ATP13A3: variants seen among roughly 807,000 people sequenced by gnomAD.
ATP13A3 encodes the protein polyamine-transporting ATPase 13A3.
Under a neutral mutation model 158.1 loss-of-function variants are expected in ATP13A3, and 59 were observed. That is an observed-to-expected ratio of 0.37 (90% CI 0.30 to 0.46). The LOEUF (loss-of-function observed/expected upper bound fraction) is 0.46. Among genes scored for constraint, ATP13A3 ranks in the 20% least tolerant of loss-of-function variants. ATP13A3 has a pLI of 1.00. For missense variants in ATP13A3, 1,166 were observed against 1,525.2 expected, an observed-to-expected ratio of 0.76 and a Z score of 3.92; for synonymous variants, 491 against 504.3, an observed-to-expected ratio of 0.97 and a Z score of 0.35.
At position 194,430,264 on chromosome 3, in the gene ATP13A3, T is replaced by C. The variant is rs201310697; in HGVS notation, c.2667+9A>G. The C allele has an allele frequency of 3.1e-6, 5 of 1,613,602 alleles. No individual in the cohort carries two copies. The highest frequency in any genetic ancestry group is 1.7e-5 in the Admixed American group (1 of 59,986). On this transcript the variant is annotated intron_variant, in intron 25 of 33. Transcript: ENST00000645319. ...AACTATAAAACTAAATCACAAAAAC[T>C]ATACTTACACCACAATCATTTGCGC...
chr3:194,469,344 GT>G (rs1720186243), intron 2 of ATP13A3, among the ~76,000 whole-genome samples: 1 of 151,648 alleles, frequency 6.6e-6, no homozygotes, highest in Non-Finnish European at 1.5e-5. Flanking sequence ...TGTAATCCTA[GT>G]TACTAGGGAG....
chr3:194,413,724 C>A, intron 32 of ATP13A3, 35 bp downstream of exon 32: 1 of 1,554,464 alleles, frequency 6.4e-7, no homozygotes, highest in Non-Finnish European at 8.9e-7. Flanking sequence ...AATTCCAAAG[C>A]AACATGGTAG....
In ATP13A3 at chr3:194,450,155, G is replaced by A. The variant is rs756765326; in HGVS notation, c.960C>T (p.Ser320=). The A allele has an allele frequency of 4.3e-6, 7 of 1,613,546 alleles. No individual in the cohort carries two copies. The Admixed American group carries it at 8.3e-5, about 19-fold the overall frequency. ...LINGTCIVNE[S]MLTGESVPVT... ...ACTCATTTAGCTTACCTGTTAACAT[G>A]CTTTCGTTTACAATGCAGGTACCAT... The change falls in exon 11 of 34, where the codon AGC becomes AGT. Residue 320 remains serine, a synonymous_variant. Coordinates refer to ENST00000645319, the MANE Select transcript of ATP13A3 (RefSeq NM_001367549.1).
intron 14 of ATP13A3, 139 bp downstream of exon 14, chr3:194,446,786 CAA>C: frequency 1.3e-6 from 1 of 771,172 alleles, no homozygotes; most frequent in Non-Finnish European, 2.0e-6. Flanking sequence ...ATGCATATAC[CAA>C]ATAAGTGGAG....
rs577639623 is a variant in ATP13A3, at chr3:194,429,253, T to C, written c.2875-336A>G. Among the ~76,000 whole-genome samples the C allele has an allele frequency of 3.9e-5, 6 of 152,238 alleles. No homozygotes were observed. In the South Asian group the frequency reaches 1.0e-3, roughly 26 times the overall value. On this transcript the variant is annotated intron_variant, in intron 27 of 33. Transcript: ENST00000645319. ...ACCACCCTGGCCAACATGGTTTTTT[T>C]GGCAAAAAGAAAACACAAACATTTA...
At chr3:194,434,071 TTCAG>T (rs1463690940) in intron 20 of ATP13A3, among the ~76,000 whole-genome samples, 175 bp from the exon 21 acceptor site, 1 of 152,156 alleles carries the variant, frequency 6.6e-6, no homozygotes, top group African/African-American at 2.4e-5. Context: ...TGTTCAAGAG[TTCAG>T]TATCTCAATA....
chr3:194,473,291 T>C (rs939115622), intron 2 of ATP13A3, among the ~76,000 whole-genome samples: 106 of 152,090 alleles, frequency 7.0e-4, no homozygotes, highest in African/African-American at 2.5e-3. Flanking sequence ...AAACAAATGA[T>C]AATGGGGCGG....
chr3:194,440,930 A>G (rs1718008351), intron 16 of ATP13A3, among the ~76,000 whole-genome samples: 1 of 152,222 alleles, frequency 6.6e-6, no homozygotes, highest in South Asian at 2.1e-4. Context: ...AACAAAAGAC[A>G]GGTAAAAAAG....
rs140602093 is a variant in ATP13A3 at position 194,444,967 on chromosome 3, A to G, written c.1498-181T>C. ...CCTGACAGAGAATGGCTTCCAGGAC[A>G]TATGGTTAAAGTGGGAGAGGGGGTG... On this transcript the variant is annotated intron_variant, in intron 14 of 33. Coordinates refer to ENST00000645319, the MANE Select transcript of ATP13A3 (RefSeq NM_001367549.1). Among the ~76,000 whole-genome samples, 19 of 152,316 alleles carry G rather than the reference A, an allele frequency of 1.2e-4. 1 individual carries two copies. Among genetic ancestry groups the G allele is most frequent in the Admixed American group, 2.0e-4 (3 of 15,298 alleles).
At chr3:194,437,032 T>C in intron 20 of ATP13A3, 63 bp downstream of exon 20, 1 of 1,540,376 alleles carries the variant, frequency 6.5e-7, no homozygotes, top group Non-Finnish European at 8.9e-7. Context: ...CAAATTACTG[T>C]GCATGACTAA....
chr3:194,429,642 T>A (rs117155227), intron 27 of ATP13A3, 36 bp downstream of exon 27: 1 of 1,484,142 alleles, frequency 6.7e-7, no homozygotes, highest in East Asian at 2.3e-5. Flanking sequence ...ACGGTGCACA[T>A]TAAGTGTTAT....
Position 194,405,346 on chromosome 3 carries a change from A to G in ATP13A3, c.*573T>C, listed in dbSNP as rs1157085255. The stretch of plus-strand genomic sequence containing the variant: ...CCTGAGTTGTTCTATAAGCAACACC[A>G]TAAACACTCATTCCTAACTCTAGAC... On this transcript the variant is annotated 3_prime_UTR_variant, in exon 34 of 34. Coordinates refer to ENST00000645319, the MANE Select transcript of ATP13A3 (RefSeq NM_001367549.1). The G allele has an allele frequency of 6.5e-6, 1 of 152,690 alleles. No homozygotes were observed. The highest frequency in any genetic ancestry group is 1.5e-5 in the Non-Finnish European group (1 of 68,408). 9.5% of individuals were successfully genotyped at this position (152,690 alleles called of 1,614,324 possible). A position where few individuals can be genotyped will look rare whatever the true frequency, so the allele number is the denominator to read the frequency against.
chr3:194,482,829 C>T (rs766845275), intron 2 of ATP13A3, among the ~76,000 whole-genome samples: 2 of 151,972 alleles, frequency 1.3e-5, no homozygotes, highest in African/African-American at 4.8e-5. Flanking sequence ...TTTTAAAGGC[C>T]GGGCGTGGTG....
rs1170127860 is a variant in ATP13A3, at chr3:194,404,685, A to T, written c.*1234T>A. ...GTTAATCAGGCCAAACAGAAAGGTG[A>T]AAAATGTTTCTCCACATCTCTTTTG... is the stretch of plus-strand genomic sequence containing the variant. On this transcript the variant is annotated 3_prime_UTR_variant, in exon 34 of 34. Transcript: ENST00000645319. The T allele has an allele frequency of 6.6e-6, 1 of 152,240 alleles. No individual in the cohort carries two copies. The highest frequency in any genetic ancestry group is 1.5e-5 in the Non-Finnish European group (1 of 68,044). 9.4% of individuals were successfully genotyped at this position (152,240 alleles called of 1,614,324 possible).
intron 2 of ATP13A3, among the ~76,000 whole-genome samples, chr3:194,478,043 C>T (rs1041808474): frequency 6.6e-6 from 1 of 152,192 alleles, no homozygotes; most frequent in Admixed American, 6.5e-5. Context: ...CCCCAAACTA[C>T]TGCTTGACTA....
intron 9 of ATP13A3, 146 bp from the exon 10 acceptor site, chr3:194,453,924 A>G (rs991067194): frequency 4.4e-6 from 3 of 678,924 alleles, no homozygotes; most frequent in South Asian, 1.9e-5. Context: ...CAGAGTATTC[A>G]TTGTTTTAGT....
At chr3:194,419,432 T>A (rs1716130281) in intron 31 of ATP13A3, among the ~76,000 whole-genome samples, 1 of 152,290 alleles carries the variant, frequency 6.6e-6, no homozygotes, top group African/African-American at 2.4e-5. Flanking sequence ...CTCTTTACTA[T>A]TTTTTAATTA....
intron 4 of ATP13A3, 119 bp downstream of exon 4, chr3:194,460,539 G>T: frequency 2.0e-6 from 2 of 1,001,484 alleles, no homozygotes; most frequent in Non-Finnish European, 2.9e-6. Context: ...ACTAGAATTA[G>T]CATTCCTCAT....
chr3:194,446,227 C>T (rs73209054), intron 14 of ATP13A3, among the ~76,000 whole-genome samples: 2,832 of 152,216 alleles, frequency 0.019, 47 homozygotes, highest in Middle Eastern at 0.071. Context: ...TTTTATAACA[C>T]GATGGGTGCC....
Sources: gnomAD v4.1 joint callset for allele counts (sites outside exome capture counted in the v4.1 genomes callset) on GRCh38, gnomAD v4.1.1 for gene constraint, MANE v1.5 for transcripts, NCBI Gene and HGNC (gene_info 2026-07-23, HGNC 2026-07-21) for gene names.